ABCB5: variants seen among roughly 807,000 people sequenced by gnomAD.
ABCB5 encodes ATP-binding cassette sub-family B member 5.
In ABCB5, 155 loss-of-function variants were observed where a neutral mutation model predicts 144.2. The observed-to-expected ratio is 1.08, with a 90% CI of 0.94 to 1.23. ABCB5 has a LOEUF of 1.23. Among genes scored for constraint, ABCB5 ranks in the 50% most tolerant of loss-of-function variants. The pLI is 0.00. For missense variants in ABCB5, 1,830 were observed against 1,520.8 expected (o/e 1.20, Z -3.38); for synonymous variants, 610 against 528.6 (o/e 1.15, Z -2.11).
At chr7:20,724,759 G>C (rs1650670737) in intron 21 of ABCB5, among the ~76,000 whole-genome samples, 1 of 151,722 alleles carries the variant, frequency 6.6e-6, no homozygotes, top group Non-Finnish European at 1.5e-5. Context: ...CGGTGAATGT[G>C]TCACAATTGG....
At position 20,751,804 on chromosome 7, in the gene ABCB5, G is replaced by A. The variant is rs539091907; in HGVS notation, c.3430-1556G>A. On this transcript the variant is annotated intron_variant, in intron 26 of 27. Coordinates refer to ENST00000404938, the MANE Select transcript of ABCB5 (RefSeq NM_001163941.2). Reference sequence around the variant, plus strand: ...AATTTAACAAAATGCATTTTAGGAGGAAGGGGCCCAAGGCCTGCTAGTAGT... The same window carrying A: ...AATTTAACAAAATGCATTTTAGGAGAAAGGGGCCCAAGGCCTGCTAGTAGT... Among the ~76,000 whole-genome samples the A allele has an allele frequency of 4.6e-5, 7 of 152,316 alleles. No individual in the cohort carries two copies. In the East Asian group the frequency reaches 1.3e-3, roughly 29 times the overall value.
At chr7:20,635,726 G>T (rs781370743) in intron 5 of ABCB5, among the ~76,000 whole-genome samples, 1 of 152,066 alleles carries the variant, frequency 6.6e-6, no homozygotes. Context: ...GTATAGAAAT[G>T]TTACAGATTT....
rs147526175 is a variant in ABCB5, at chr7:20,718,971, C to T, written c.2422-4045C>T. ...TTCATTACATCTTTATTTTTAATAA[C>T]GAAAGCAACCCAAATTGAAGGCAAC... On this transcript the variant is annotated intron_variant, in intron 20 of 27. Transcript: ENST00000404938. Among the ~76,000 whole-genome samples, 62 of 152,016 alleles carry T rather than the reference C, an allele frequency of 4.1e-4. 1 individual carries two copies. The highest frequency in any genetic ancestry group is 1.3e-3 in the African/African-American group (52 of 41,452).
intron 14 of ABCB5, chr7:20,667,371 A>G: frequency 1.3e-5 from 13 of 985,558 alleles, no homozygotes; most frequent in East Asian, 1.1e-4. Flanking sequence ...CTCTAACAAT[A>G]TAAACCTGTA....
intron 20 of ABCB5, among the ~76,000 whole-genome samples, chr7:20,720,452 A>C (rs1781822024): frequency 6.6e-6 from 1 of 152,204 alleles, no homozygotes; most frequent in East Asian, 1.9e-4. Context: ...AATTATTACA[A>C]GTGAACAATG....
intron 23 of ABCB5, among the ~76,000 whole-genome samples, chr7:20,738,495 A>G (rs1256959613): frequency 3.9e-5 from 6 of 152,232 alleles, no homozygotes; most frequent in Non-Finnish European, 8.8e-5. Flanking sequence ...TTTGCTCTCT[A>G]AATAATGTAG....
intron 9 of ABCB5, among the ~76,000 whole-genome samples, chr7:20,646,646 A>G (rs1026292598): frequency 9.9e-5 from 15 of 152,222 alleles, no homozygotes; most frequent in African/African-American, 3.4e-4. Flanking sequence ...TTAAATTCTT[A>G]TGGGTTATGT....
chr7:20,724,784 C>T (rs1384651911), intron 21 of ABCB5, among the ~76,000 whole-genome samples: 1 of 152,006 alleles, frequency 6.6e-6, no homozygotes, highest in East Asian at 1.9e-4. Flanking sequence ...GCATAAATGT[C>T]ATACATATTC....
chr7:20,619,305 C>T (rs1362124712), intron 1 of ABCB5, among the ~76,000 whole-genome samples: 1 of 152,160 alleles, frequency 6.6e-6, no homozygotes, highest in Non-Finnish European at 1.5e-5. Flanking sequence ...TTCCCACCAG[C>T]CTTATATAAG....
intron 21 of ABCB5, among the ~76,000 whole-genome samples, chr7:20,724,868 T>G (rs1436806192): frequency 1.3e-5 from 2 of 152,138 alleles, no homozygotes; most frequent in African/African-American, 4.8e-5. Flanking sequence ...CACCTTTTTT[T>G]GCACAAGATA....
chr7:20,687,788 G>A (rs1786050550), intron 16 of ABCB5, among the ~76,000 whole-genome samples: 1 of 152,194 alleles, frequency 6.6e-6, no homozygotes, highest in African/African-American at 2.4e-5. Flanking sequence ...GAGAGGTTAA[G>A]GTAGGAGGAT....
At chr7:20,742,768 AG>A in intron 24 of ABCB5, 108 bp from the exon 25 acceptor site, 1 of 1,053,828 alleles carries the variant, frequency 9.5e-7, no homozygotes, top group Non-Finnish European at 1.4e-6. Flanking sequence ...TAAAATTAAA[AG>A]GGCTCTGGAA....
chr7:20,648,317 A>G (rs1784475410), intron 11 of ABCB5, among the ~76,000 whole-genome samples: 1 of 152,000 alleles, frequency 6.6e-6, no homozygotes, highest in Non-Finnish European at 1.5e-5. Flanking sequence ...AAATTCTTCT[A>G]CTCTGGGTTT....
At chr7:20,740,133 G>A (rs1051432934) in intron 24 of ABCB5, among the ~76,000 whole-genome samples, 10 of 152,226 alleles carry the variant, frequency 6.6e-5, no homozygotes, top group Middle Eastern at 3.4e-3. Context: ...CCAGCTACTC[G>A]GGAGGGCGAG....
At chr7:20,750,107 T>A (rs975210854) in intron 26 of ABCB5, among the ~76,000 whole-genome samples, 12 of 152,228 alleles carry the variant, frequency 7.9e-5, no homozygotes, top group Non-Finnish European at 1.8e-4. Context: ...ATTACTCATC[T>A]AGCAGCAATG....
chr7:20,699,447 TCCC>T (rs1562567694), intron 17 of ABCB5, among the ~76,000 whole-genome samples: 1 of 152,232 alleles, frequency 6.6e-6, no homozygotes, highest in African/African-American at 2.4e-5. Context: ...ACGCCTGTAA[TCCC>T]AGCACTTTGG....
At chr7:20,705,139 T>C (rs952844133) in intron 20 of ABCB5, among the ~76,000 whole-genome samples, 1 of 152,186 alleles carries the variant, frequency 6.6e-6, no homozygotes, top group African/African-American at 2.4e-5. Flanking sequence ...ACACACACTT[T>C]GAGTTTTAAT....
intron 5 of ABCB5, among the ~76,000 whole-genome samples, chr7:20,637,724 T>C (rs1038667251): frequency 3.3e-5 from 5 of 152,124 alleles, no homozygotes; most frequent in African/African-American, 1.2e-4. Context: ...CAGGCCTTGA[T>C]TACTTAATTC....
At position 20,723,066 on chromosome 7, in the gene ABCB5, A is replaced by G; in HGVS notation, c.2472A>G (p.Gly824=). ...TAACACAAAATGCAACTAACATGGG[A>G]CTTTCAGTTATCATTTCCTTTATAT... is the stretch of plus-strand genomic sequence containing the variant. ...GVLTQNATNM[G]LSVIISFIYG... is the part of the protein sequence containing the mutation. Residue 824 remains glycine, a synonymous_variant, in exon 21 of 28, where the codon GGA becomes GGG. Transcript: ENST00000404938. The G allele has an allele frequency of 1.2e-6, 2 of 1,614,112 alleles. No individual in the cohort carries two copies. The highest frequency in any genetic ancestry group is 2.2e-5 in the South Asian group (2 of 91,076).
Sources: gnomAD v4.1 joint callset for allele counts (sites outside exome capture counted in the v4.1 genomes callset) on GRCh38, gnomAD v4.1.1 for gene constraint, MANE v1.5 for transcripts, NCBI Gene and HGNC (gene_info 2026-07-23, HGNC 2026-07-21) for gene names.